The following AIG1 variants were observed in gnomAD, a reference collection of about 807,000 sequenced individuals.
AIG1 encodes the protein androgen-induced gene 1 protein.
AIG1 carries 23 observed loss-of-function variants against 31.4 expected under a neutral mutation model. The observed-to-expected ratio is 0.73, with a 90% CI of 0.53 to 1.04. The LOEUF (loss-of-function observed/expected upper bound fraction) is 1.04. AIG1 is among the 50% of genes least tolerant of loss of function. The pLI, the probability that AIG1 is intolerant of heterozygous loss-of-function variation, is 0.00. For missense variants in AIG1, 274 were observed against 295.0 expected, an observed-to-expected ratio of 0.93 and a Z score of 0.52; for synonymous variants, 100 against 110.5, an observed-to-expected ratio of 0.90 and a Z score of 0.60.
At chr6:143,332,174 T>C (rs778599611) in intron 4 of AIG1, among the ~76,000 whole-genome samples, 2 of 152,066 alleles carry the variant, frequency 1.3e-5, no homozygotes, top group Non-Finnish European at 2.9e-5. Context: ...ACCCTGTCAG[T>C]AATATTTATA....
intron 4 of AIG1, among the ~76,000 whole-genome samples, chr6:143,305,059 G>T (rs1235032811): frequency 2.0e-5 from 3 of 152,194 alleles, no homozygotes; most frequent in Non-Finnish European, 1.5e-5. Context: ...GTTTCTGTGG[G>T]ATCAGTGGTG....
Position 143,287,746 on chromosome 6 carries a change from A to C in AIG1, c.515+3521A>C, listed in dbSNP as rs866052148. ...CAATGCCTGACTACAGTAAAAAAAA[A>C]AAAAAAAAAAAAAAAAAATCTATAT... On this transcript the variant is annotated intron_variant, in intron 4 of 5. Transcript: ENST00000357847. Among the ~76,000 whole-genome samples, 1,392 of 150,264 alleles carry C rather than the reference A, an allele frequency of 9.3e-3. 10 individuals are homozygous for C. The highest frequency in any genetic ancestry group is 0.025 in the Middle Eastern group (7 of 284).
intron 3 of AIG1, among the ~76,000 whole-genome samples, chr6:143,165,962 G>A (rs1344042730): frequency 6.6e-6 from 1 of 152,152 alleles, no homozygotes; most frequent in African/African-American, 2.4e-5. Flanking sequence ...TTTGGTTACA[G>A]CAGTTTTTAG....
At chr6:143,156,418 T>G (rs1281326219) in intron 2 of AIG1, among the ~76,000 whole-genome samples, 1 of 152,186 alleles carries the variant, frequency 6.6e-6, no homozygotes, top group Non-Finnish European at 1.5e-5. Flanking sequence ...ATGTGTAGAG[T>G]GCATTTTACA....
chr6:143,120,439 C>T (rs1459853872), intron 1 of AIG1, among the ~76,000 whole-genome samples: 1 of 152,112 alleles, frequency 6.6e-6, no homozygotes, highest in Non-Finnish European at 1.5e-5. Context: ...ATTCACATGG[C>T]TGGGGAGGCC....
chr6:143,311,799 G>T lies in AIG1; in HGVS notation c.516-21483G>T, dbSNP rs144889490. ...ATTATCCTTGTTTGTATGATCTTAT[G>T]TTTGGAAAAACCTAAAGACTCCAAC... On this transcript the variant is annotated intron_variant, in intron 4 of 5. Coordinates refer to ENST00000357847, the MANE Select transcript of AIG1 (RefSeq NM_016108.4). 4.8e-3 allele frequency among the ~76,000 whole-genome samples: 726 copies of T among 151,986 alleles called. 2 individuals carry two copies. Among genetic ancestry groups the T allele is most frequent in the African/African-American group, 0.017 (690 of 41,522 alleles).
chr6:143,229,759 G>A (rs1210610669), intron 3 of AIG1, among the ~76,000 whole-genome samples: 2 of 131,158 alleles, frequency 1.5e-5, no homozygotes. Context: ...CATTTTTAAT[G>A]CCTCTCGTTT....
rs1331415678 is a variant in AIG1, at chr6:143,327,939, G to T, written c.516-5343G>T. ...ACAGTTTGATAAACTGCCTAGAATA[G>T]AGGAGAGATCTGGGTTAGGATATAA... is the stretch of plus-strand genomic sequence containing the variant. On this transcript the variant is annotated intron_variant, in intron 4 of 5. Transcript: ENST00000357847. The surrounding 1 kb of genome is among the most constrained non-coding windows in gnomAD (Gnocchi z 5.3). Among the ~76,000 whole-genome samples, 1 of 152,192 alleles carries T rather than the reference G, an allele frequency of 6.6e-6. No homozygotes were observed. Among genetic ancestry groups the T allele is most frequent in the Non-Finnish European group, 1.5e-5 (1 of 68,040 alleles).
rs540990924 is a variant in AIG1, at chr6:143,256,747, G to A, written c.400-27363G>A. On this transcript the variant is annotated intron_variant, in intron 3 of 5. Transcript: ENST00000357847. The surrounding 1 kb of genome is among the most constrained non-coding windows in gnomAD (Gnocchi z 4.6). ...TTTGTAGCAAATTCTTATTTTCTTT[G>A]TTTGGCACTCTCTAGATTTTGACAC... Among the ~76,000 whole-genome samples, 1 of 152,042 alleles carries A rather than the reference G, an allele frequency of 6.6e-6. No individual in the cohort carries two copies. Among genetic ancestry groups the A allele is most frequent in the South Asian group, 2.1e-4 (1 of 4,818 alleles).
intron 3 of AIG1, among the ~76,000 whole-genome samples, chr6:143,260,907 AC>A (rs59252728): frequency 0.01 from 1,575 of 151,204 alleles, 45 homozygotes; most frequent in East Asian, 0.066. Context: ...ATTCCCCTTC[AC>A]CCCCCCGCCA....
At chr6:143,176,433 G>T (rs1204306297) in intron 3 of AIG1, among the ~76,000 whole-genome samples, 5 of 152,126 alleles carry the variant, frequency 3.3e-5, no homozygotes, top group African/African-American at 1.2e-4. Flanking sequence ...TTTTGTCTTG[G>T]GCTTCCAGGA....
rs923799149 is a variant in AIG1 at position 143,339,786 on chromosome 6, AC to A, written c.*116del. Reference sequence around the variant, plus strand: ...TTCAAAGGAACTTGGTGGCATCAGCACCCCCCTCCCCCAATGAGGACACCTT... The same window carrying A: ...TTCAAAGGAACTTGGTGGCATCAGCACCCCCTCCCCCAATGAGGACACCTT... On this transcript the variant is annotated 3_prime_UTR_variant, in exon 6 of 6. Transcript: ENST00000357847. 2.0e-5 allele frequency: 22 copies of A among 1,079,904 alleles called. No homozygotes were observed. The highest frequency in any genetic ancestry group is 7.4e-5 in the South Asian group (5 of 67,594). 66.9% of individuals were successfully genotyped at this position (1,079,904 alleles called of 1,614,324 possible).
chr6:143,258,097 T>C lies in AIG1; in HGVS notation c.400-26013T>C. On this transcript the variant is annotated intron_variant, in intron 3 of 5. Coordinates refer to ENST00000357847, the MANE Select transcript of AIG1 (RefSeq NM_016108.4). This position sits in a 1 kb window ranked among gnomAD's most constrained non-coding sequence, Gnocchi z 4.7. ...GAGTCCTCCAATTGAATCCATGGTATCAACAGTATTTGAATCTAGGTATCC... is the reference window on the plus strand; with the variant it reads ...GAGTCCTCCAATTGAATCCATGGTACCAACAGTATTTGAATCTAGGTATCC... 6.6e-6 allele frequency among the ~76,000 whole-genome samples: 1 copy of C among 152,246 alleles called. No individual in the cohort carries two copies. The highest frequency in any genetic ancestry group is 1.9e-4 in the East Asian group (1 of 5,206).
In AIG1 at chr6:143,333,394, C is replaced by T; in HGVS notation, c.628C>T (p.Leu210=). Residue 210 remains leucine (L), a synonymous_variant, in exon 5 of 6, where the codon CTG becomes TTG. Transcript: ENST00000357847. The surrounding 1 kb of genome is among the most constrained non-coding windows in gnomAD (Gnocchi z 4.6). ...FGSTTILMNF[L]YLLGEVLNNY... Reference sequence around the variant, plus strand: ...GTCTACAACCATCTTAATGAACTTCCTGTACCTGCTGGGAGAAGTTCTGAA... The same window carrying T: ...GTCTACAACCATCTTAATGAACTTCTTGTACCTGCTGGGAGAAGTTCTGAA... The T allele has an allele frequency of 6.2e-7, 1 of 1,613,816 alleles. No homozygotes were observed. Among genetic ancestry groups the T allele is most frequent in the East Asian group, 2.2e-5 (1 of 44,874 alleles).
At chr6:143,089,465 G>A (rs190807570) in intron 1 of AIG1, among the ~76,000 whole-genome samples, 139 of 152,152 alleles carry the variant, frequency 9.1e-4, no homozygotes, top group African/African-American at 2.9e-3. Context: ...TGTTTCATAC[G>A]TTACACAGGA....
chr6:143,118,414 G>A (rs1258390400), intron 1 of AIG1, among the ~76,000 whole-genome samples: 2 of 151,152 alleles, frequency 1.3e-5, no homozygotes, highest in Non-Finnish European at 2.9e-5. Flanking sequence ...AGCTGAGATC[G>A]TGCCACTGCA....
At chr6:143,095,716 A>G (rs972002627) in intron 1 of AIG1, among the ~76,000 whole-genome samples, 1 of 152,146 alleles carries the variant, frequency 6.6e-6, no homozygotes, top group Non-Finnish European at 1.5e-5. Context: ...CATACTATGC[A>G]TATACCTCAT....
At chr6:143,136,072 A>G (rs75325236) in intron 1 of AIG1, among the ~76,000 whole-genome samples, 10,804 of 152,218 alleles carry the variant, frequency 0.071, 804 homozygotes, top group East Asian at 0.38. Context: ...AAATGCTTCC[A>G]TTCATAATTG....
In AIG1 at chr6:143,331,066, T is replaced by G. The variant is rs1777033240; in HGVS notation, c.516-2216T>G. Among the ~76,000 whole-genome samples the G allele has an allele frequency of 6.6e-6, 1 of 152,178 alleles. No individual in the cohort carries two copies. The highest frequency in any genetic ancestry group is 1.5e-5 in the Non-Finnish European group (1 of 68,028). ...GACTGACCTGGACAGACCTAGAGAA[T>G]GCCTCTTTGCTGTAAGATTGTTCCT... On this transcript the variant is annotated intron_variant, in intron 4 of 5. Coordinates refer to ENST00000357847, the MANE Select transcript of AIG1 (RefSeq NM_016108.4). The surrounding 1 kb of genome is among the most constrained non-coding windows in gnomAD (Gnocchi z 4.1).
Sources: allele counts gnomAD v4.1 joint callset (sites outside exome capture counted in the v4.1 genomes callset), GRCh38; gene constraint gnomAD v4.1.1; non-coding constraint Gnocchi (gnomAD v3.1); transcripts MANE v1.5; gene names NCBI Gene and HGNC (gene_info 2026-07-23, HGNC 2026-07-21).